The following GHR variants were observed in gnomAD, a reference collection of about 807,000 sequenced individuals.
GHR encodes growth hormone receptor, also known as GH receptor.
GHR carries 35 observed loss-of-function variants against 67.1 expected under a neutral mutation model. The observed-to-expected ratio is 0.52, with a 90% CI of 0.40 to 0.69. The LOEUF (loss-of-function observed/expected upper bound fraction) is 0.69. GHR is among the 30% of genes least tolerant of loss of function. The pLI is 0.00. For missense variants in GHR, 792 were observed against 764.6 expected, an observed-to-expected ratio of 1.04 and a Z score of -0.42; for synonymous variants, 272 against 269.1, an observed-to-expected ratio of 1.01 and a Z score of -0.10.
chr5:42,665,174 G>A (rs947795923), intron 3 of GHR, among the ~76,000 whole-genome samples: 6 of 152,158 alleles, frequency 3.9e-5, no homozygotes, highest in African/African-American at 1.2e-4. Flanking sequence ...TTCAACCATT[G>A]TGGAAGTCAG....
At chr5:42,519,078 CT>C (rs932549630) in intron 1 of GHR, among the ~76,000 whole-genome samples, 1 of 152,152 alleles carries the variant, frequency 6.6e-6, no homozygotes, top group Admixed American at 6.5e-5. Context: ...AAACCAGATG[CT>C]GTCTCTCTGA....
At chr5:42,656,257 A>G (rs1314836325) in intron 3 of GHR, among the ~76,000 whole-genome samples, 1 of 152,194 alleles carries the variant, frequency 6.6e-6, no homozygotes, top group Non-Finnish European at 1.5e-5. Flanking sequence ...TACATGCTCA[A>G]TATTAGAAAA....
chr5:42,672,602 A>G (rs1390533029), intron 3 of GHR, among the ~76,000 whole-genome samples: 1 of 152,178 alleles, frequency 6.6e-6, no homozygotes, highest in Non-Finnish European at 1.5e-5. Context: ...GACTAGCTAT[A>G]TGTAGAAGAA....
intron 3 of GHR, among the ~76,000 whole-genome samples, chr5:42,658,819 G>A (rs1755401868): frequency 6.6e-6 from 1 of 152,096 alleles, no homozygotes; most frequent in Non-Finnish European, 1.5e-5. Flanking sequence ...AATACCAATA[G>A]TGTGGAAGTT....
At chr5:42,510,388 C>T (rs947034298) in intron 1 of GHR, among the ~76,000 whole-genome samples, 23 of 152,188 alleles carry the variant, frequency 1.5e-4, no homozygotes, top group African/African-American at 5.1e-4. Flanking sequence ...AATGCCTTCC[C>T]ATTTCATGAT....
chr5:42,665,208 G>A (rs1301993609), intron 3 of GHR, among the ~76,000 whole-genome samples: 1 of 152,088 alleles, frequency 6.6e-6, no homozygotes, highest in Non-Finnish European at 1.5e-5. Flanking sequence ...CAGGGATCTA[G>A]AACTAGAAAT....
At chr5:42,538,823 G>A (rs529560035) in intron 1 of GHR, among the ~76,000 whole-genome samples, 11 of 152,130 alleles carry the variant, frequency 7.2e-5, no homozygotes, top group African/African-American at 2.4e-4. Flanking sequence ...TTATTCTTAG[G>A]TTTGGTCGTT....
At chr5:42,660,758 G>A (rs1312791586) in intron 3 of GHR, among the ~76,000 whole-genome samples, 1 of 152,244 alleles carries the variant, frequency 6.6e-6, no homozygotes, top group South Asian at 2.1e-4. Flanking sequence ...AAAGCTGGAC[G>A]GAGAATGACT....
chr5:42,614,728 A>C (rs993511723), intron 2 of GHR, among the ~76,000 whole-genome samples: 1 of 151,882 alleles, frequency 6.6e-6, no homozygotes, highest in Admixed American at 6.6e-5. Flanking sequence ...TAACATTTCA[A>C]ATGTGGTGGG....
rs915580754 is a variant in GHR, at chr5:42,505,345, A to AT, written c.-11-60509dup. Among the ~76,000 whole-genome samples, 530 of 143,684 alleles carry AT rather than the reference A, an allele frequency of 3.7e-3. 1 individual carries two copies. The highest frequency in any genetic ancestry group is 0.011 in the African/African-American group (441 of 39,016). The allele number at this position is 143,684 out of a possible 152,430, so 94.3% of individuals were successfully genotyped here. On this transcript the variant is annotated intron_variant, in intron 1 of 9. Coordinates refer to ENST00000230882, the MANE Select transcript of GHR (RefSeq NM_000163.5). The stretch of plus-strand genomic sequence containing the variant: ...TGCGCATTTTGCTGCTTAAGTGTTT[A>AT]TTTTTTTTTTGCTTTTACAAGTAAT...
chr5:42,539,626 G>C lies in GHR; in HGVS notation c.-11-26238G>C, dbSNP rs150191745. On this transcript the variant is annotated intron_variant, in intron 1 of 9. Transcript: ENST00000230882. ...TTCTGTGGGTCCTCTCGGGATTCCT[G>C]TTTCATTCTTGAAGTCTAGATCTAT... 3.5e-3 allele frequency among the ~76,000 whole-genome samples: 528 copies of C among 152,250 alleles called. 2 individuals are homozygous for C. Among genetic ancestry groups the C allele is most frequent in the African/African-American group, 0.012 (518 of 41,556 alleles).
chr5:42,460,073 G>A (rs752985660), intron 1 of GHR, among the ~76,000 whole-genome samples: 4 of 152,168 alleles, frequency 2.6e-5, no homozygotes, highest in Non-Finnish European at 5.9e-5. Context: ...ATCCTATAGA[G>A]TTGGTGCTCT....
chr5:42,591,185 C>T (rs1279089551), intron 2 of GHR, among the ~76,000 whole-genome samples: 1 of 152,228 alleles, frequency 6.6e-6, no homozygotes, highest in Non-Finnish European at 1.5e-5. Context: ...ACAGCTGTGA[C>T]ATTGTCAAGG....
chr5:42,711,661 T>A (rs1758465103), intron 7 of GHR, among the ~76,000 whole-genome samples: 1 of 152,150 alleles, frequency 6.6e-6, no homozygotes, highest in Non-Finnish European at 1.5e-5. Flanking sequence ...ATGATTCTTT[T>A]CTTTATATAT....
chr5:42,488,679 C>G (rs1337643023), intron 1 of GHR, among the ~76,000 whole-genome samples: 1 of 152,076 alleles, frequency 6.6e-6, no homozygotes, highest in Non-Finnish European at 1.5e-5. Context: ...CCTATTTTAT[C>G]TTTCTTTATA....
At chr5:42,472,218 ACT>A (rs1321600143) in intron 1 of GHR, among the ~76,000 whole-genome samples, 1 of 152,130 alleles carries the variant, frequency 6.6e-6, no homozygotes, top group East Asian at 1.9e-4. Context: ...AAGATGCTTT[ACT>A]TCTGGAGATG....
At chr5:42,497,301 G>GT (rs1746361989) in intron 1 of GHR, among the ~76,000 whole-genome samples, 1 of 152,098 alleles carries the variant, frequency 6.6e-6, no homozygotes, top group Non-Finnish European at 1.5e-5. Flanking sequence ...GAACTTTTGA[G>GT]TCTTAAGCGC....
chr5:42,501,731 C>T (rs1195183205), intron 1 of GHR, among the ~76,000 whole-genome samples: 1 of 152,134 alleles, frequency 6.6e-6, no homozygotes, highest in Non-Finnish European at 1.5e-5. Context: ...TGGTGAGAAA[C>T]ACTACTCTAG....
At chr5:42,432,798 A>G (rs2111902821) in intron 1 of GHR, among the ~76,000 whole-genome samples, 1 of 152,362 alleles carries the variant, frequency 6.6e-6, no homozygotes, top group East Asian at 1.9e-4. Flanking sequence ...TACTACTTTC[A>G]TAGTTCATTC....
Sources: allele counts gnomAD v4.1 joint callset (sites outside exome capture counted in the v4.1 genomes callset), GRCh38; gene constraint gnomAD v4.1.1; transcripts MANE v1.5; gene names NCBI Gene and HGNC (gene_info 2026-07-23, HGNC 2026-07-21).